Variants in KLHL8 observed in about 807,000 individuals in gnomAD.
The protein encoded by KLHL8 is kelch-like protein 8.
A neutral mutation model predicts 63.5 loss-of-function variants in KLHL8; 38 were observed. That is an observed-to-expected ratio of 0.60 (90% CI 0.46 to 0.78). The LOEUF (loss-of-function observed/expected upper bound fraction) is 0.78. KLHL8 is among the 30% of genes least tolerant of loss of function. The probability of loss-of-function intolerance (pLI) is 0.00; values close to 1 mark genes in which losing one functional copy is unlikely to be tolerated. For missense variants in KLHL8, 566 were observed against 752.4 expected (o/e 0.75, Z 2.90); for synonymous variants, 224 against 254.3 (o/e 0.88, Z 1.13).
chr4:87,222,875 C>T (rs148562882), upstream of KLHL8, among the ~76,000 whole-genome samples: 41 of 152,152 alleles, frequency 2.7e-4, no homozygotes, highest in East Asian at 6.6e-3. Context: ...TGAGCCACCA[C>T]GCCCGGCCTA....
chr4:87,174,086 A>G (rs926153550), intron 6 of KLHL8, among the ~76,000 whole-genome samples: 3 of 152,160 alleles, frequency 2.0e-5, no homozygotes, highest in African/African-American at 4.8e-5. Flanking sequence ...GCTCATTTTG[A>G]TAACAAGTCA....
chr4:87,232,274 A>G (rs974427768), intron 1 of KLHL8, among the ~76,000 whole-genome samples: 1 of 152,214 alleles, frequency 6.6e-6, no homozygotes, highest in Non-Finnish European at 1.5e-5. Flanking sequence ...TTAAATGGAC[A>G]GAATCATACT....
chr4:87,200,477 A>T (rs1384704899), intron 1 of KLHL8, among the ~76,000 whole-genome samples: 1 of 152,240 alleles, frequency 6.6e-6, no homozygotes, highest in Non-Finnish European at 1.5e-5. Flanking sequence ...GATTTAAAAA[A>T]CATTTTCAAT....
intron 1 of KLHL8, among the ~76,000 whole-genome samples, chr4:87,234,158 G>A (rs1733186862): frequency 6.6e-6 from 1 of 152,144 alleles, no homozygotes; most frequent in African/African-American, 2.4e-5. Flanking sequence ...TAGTGCAGCT[G>A]GCTGGGTGTG....
intron 1 of KLHL8, among the ~76,000 whole-genome samples, chr4:87,214,443 T>G (rs202114998): frequency 1.2e-5 from 1 of 85,876 alleles, no homozygotes; most frequent in African/African-American, 3.2e-5. Flanking sequence ...TATATATATA[T>G]ATATATATAT....
upstream of KLHL8, among the ~76,000 whole-genome samples, chr4:87,221,649 C>A (rs1252927873): frequency 6.6e-6 from 1 of 151,586 alleles, no homozygotes; most frequent in Non-Finnish European, 1.5e-5. Context: ...CACATATGAA[C>A]ATTAGCACAT....
intron 5 of KLHL8, 101 bp downstream of exon 5, chr4:87,178,376 A>T (rs898434809): frequency 8.2e-7 from 1 of 1,225,066 alleles, no homozygotes; most frequent in South Asian, 1.5e-5. Context: ...AAAATAATTT[A>T]CAATTTAGTC....
At chr4:87,170,713 A>C (rs2149830627) in intron 6 of KLHL8, 98 bp from the exon 7 acceptor site, 1 of 999,222 alleles carries the variant, frequency 1.0e-6, no homozygotes, top group South Asian at 1.6e-5. Context: ...TATCATGTTA[A>C]CCTTCAAACA....
intron 1 of KLHL8, among the ~76,000 whole-genome samples, chr4:87,212,564 C>T (rs1045897850): frequency 5.9e-5 from 9 of 151,732 alleles, no homozygotes; most frequent in African/African-American, 2.2e-4. Flanking sequence ...CTAAGCGACA[C>T]AGTGAGACCT....
At chr4:87,197,820 GCATAA>G (rs1234488330) in intron 1 of KLHL8, among the ~76,000 whole-genome samples, 2 of 152,058 alleles carry the variant, frequency 1.3e-5, no homozygotes, top group African/African-American at 4.8e-5. Context: ...AAAACAAATA[GCATAA>G]TCAGGGCTTA....
intron 1 of KLHL8, among the ~76,000 whole-genome samples, chr4:87,200,138 C>CAAAAAAAAAAA (rs61605160): frequency 2.2e-3 from 162 of 73,680 alleles, no homozygotes; most frequent in Middle Eastern, 0.01. Flanking sequence ...GAGACTGCCT[C>CAAAAAAAAAAA]AAAAAAAAAA....
chr4:87,185,906 G>C, intron 2 of KLHL8, 107 bp from the exon 3 acceptor site: 4 of 925,156 alleles, frequency 4.3e-6, no homozygotes, highest in Non-Finnish European at 6.3e-6. Flanking sequence ...CAAATTTAGA[G>C]TATCTTTTTA....
upstream of KLHL8, among the ~76,000 whole-genome samples, chr4:87,223,103 A>G (rs1406199658): frequency 7.3e-6 from 1 of 136,246 alleles, no homozygotes; most frequent in Non-Finnish European, 1.6e-5. Flanking sequence ...GGCCCACACC[A>G]CCACACCTGG....
intron 1 of KLHL8, among the ~76,000 whole-genome samples, chr4:87,239,657 CA>C (rs1203399584): frequency 4.6e-5 from 7 of 152,090 alleles, no homozygotes; most frequent in Admixed American, 3.9e-4. Context: ...CAAGAGGCAG[CA>C]GGTGTTTCAG....
At chr4:87,198,901 A>G (rs1229118034) in intron 1 of KLHL8, among the ~76,000 whole-genome samples, 1 of 152,256 alleles carries the variant, frequency 6.6e-6, no homozygotes, top group Non-Finnish European at 1.5e-5. Flanking sequence ...ACAATGTATC[A>G]AAGTCAATTT....
intron 2 of KLHL8, among the ~76,000 whole-genome samples, chr4:87,191,264 T>C (rs1731475031): frequency 6.6e-6 from 1 of 151,456 alleles, no homozygotes; most frequent in Non-Finnish European, 1.5e-5. Flanking sequence ...AGTCCAGGAG[T>C]TCAAGACCAG....
Position 87,176,520 on chromosome 4 carries a change from T to C in KLHL8, c.1208+237A>G, listed in dbSNP as rs1730822014. ...ATAAAATGTTTAAAAAAATCAATGC[T>C]CATGTATAAGTGAAAACTGTGACTA... On this transcript the variant is annotated intron_variant, in intron 6 of 9. Transcript: ENST00000273963. Among the ~76,000 whole-genome samples, 6 of 152,292 alleles carry C rather than the reference T, an allele frequency of 3.9e-5. No individual in the cohort carries two copies. In the South Asian group the frequency reaches 1.2e-3, roughly 32 times the overall value.
intron 8 of KLHL8, among the ~76,000 whole-genome samples, 195 bp from the exon 9 acceptor site, chr4:87,164,274 C>T (rs562316971): frequency 7.9e-5 from 12 of 151,992 alleles, no homozygotes; most frequent in South Asian, 4.1e-4. Flanking sequence ...TACAATTCCA[C>T]GTTAGGTAAG....
intron 1 of KLHL8, among the ~76,000 whole-genome samples, chr4:87,233,353 C>T (rs1425084351): frequency 2.6e-5 from 4 of 152,148 alleles, no homozygotes; most frequent in East Asian, 1.9e-4. Context: ...TTTGGGAGGC[C>T]GAGGCGGGTG....
Sources: gnomAD v4.1 joint callset for allele counts (sites outside exome capture counted in the v4.1 genomes callset) on GRCh38, gnomAD v4.1.1 for gene constraint, MANE v1.5 for transcripts, NCBI Gene and HGNC (gene_info 2026-07-23, HGNC 2026-07-21) for gene names.